The following UST variants were observed in gnomAD, a reference collection of about 807,000 sequenced individuals.
UST encodes the protein chondroitin sulfate 2-O-sulfotransferase.
A neutral mutation model predicts 45.6 loss-of-function variants in UST; 21 were observed. The observed-to-expected ratio is 0.46, with a 90% CI of 0.33 to 0.66. The LOEUF (loss-of-function observed/expected upper bound fraction) is 0.66, where lower values mean the gene tolerates loss of function less well. Ranked by LOEUF, UST falls within the 30% of genes least tolerant of loss-of-function variation. The pLI, the probability that UST is intolerant of heterozygous loss-of-function variation, is 0.02. For synonymous variants in UST, 215 were observed against 200.6 expected (o/e 1.07, Z -0.61); for missense variants, 463 against 512.4 (o/e 0.90, Z 0.93).
chr6:148,815,137 A>G (rs914973149), intron 1 of UST, among the ~76,000 whole-genome samples: 1 of 152,258 alleles, frequency 6.6e-6, no homozygotes, highest in African/African-American at 2.4e-5. Context: ...ACTTACTTGT[A>G]AAAAGCAAGG....
intron 2 of UST, among the ~76,000 whole-genome samples, chr6:148,921,519 ACT>A (rs1048437063): frequency 2.0e-5 from 3 of 151,870 alleles, no homozygotes; most frequent in Non-Finnish European, 2.9e-5. Flanking sequence ...CAAAACAAAA[ACT>A]CTACCTCTCC....
intron 1 of UST, among the ~76,000 whole-genome samples, chr6:148,859,068 C>T (rs936238091): frequency 2.0e-5 from 3 of 152,230 alleles, no homozygotes; most frequent in African/African-American, 7.2e-5. Flanking sequence ...CTTGAGGAAT[C>T]TCCACACTGT....
chr6:148,760,842 G>C (rs2114656790), intron 1 of UST, among the ~76,000 whole-genome samples: 1 of 152,206 alleles, frequency 6.6e-6, no homozygotes, highest in East Asian at 1.9e-4. Context: ...GAGATAAATG[G>C]GCAGAGTACA....
chr6:148,747,622 C>CT lies in UST; in HGVS notation c.193dup (p.Tyr65LeufsTer26). On this transcript the variant is annotated frameshift_variant, in exon 1 of 8. Transcript: ENST00000367463. LOFTEE classifies it high-confidence loss of function. Reference sequence around the variant, plus strand: ...TGGTCTTCTGCCTGGGCTCCCTCCTCTATCAGCTCAGCGGGGGACCCCCTC... The same window carrying CT: ...TGGTCTTCTGCCTGGGCTCCCTCCTCTTATCAGCTCAGCGGGGGACCCCCTC... 6.2e-7 allele frequency: 1 copy of CT among 1,603,340 alleles called. No individual in the cohort carries two copies. The highest frequency in any genetic ancestry group is 8.5e-7 in the Non-Finnish European group (1 of 1,176,184).
chr6:148,912,342 G>T (rs892481221), intron 2 of UST, among the ~76,000 whole-genome samples: 5 of 152,156 alleles, frequency 3.3e-5, no homozygotes, highest in African/African-American at 1.2e-4. Context: ...TCATCTCAAG[G>T]CTGCTTATCA....
At chr6:148,933,544 A>C (rs1779961703) in intron 2 of UST, among the ~76,000 whole-genome samples, 1 of 152,194 alleles carries the variant, frequency 6.6e-6, no homozygotes, top group South Asian at 2.1e-4. Context: ...GCAGGATGTC[A>C]TTTGAGAGTT....
intron 1 of UST, among the ~76,000 whole-genome samples, chr6:148,826,088 T>A (rs1777562579): frequency 6.6e-6 from 1 of 152,172 alleles, no homozygotes; most frequent in South Asian, 2.1e-4. Context: ...AGTGGATAGA[T>A]AAATGAGTTC....
intron 5 of UST, 93 bp from the exon 6 acceptor site, chr6:149,019,046 T>C (rs1775944043): frequency 2.1e-6 from 2 of 970,822 alleles, no homozygotes; most frequent in East Asian, 2.4e-5. Flanking sequence ...CGTGCCTGTG[T>C]AATTCAATCA....
chr6:148,823,301 T>A (rs1777501159), intron 1 of UST, among the ~76,000 whole-genome samples: 1 of 152,240 alleles, frequency 6.6e-6, no homozygotes, highest in Admixed American at 6.5e-5. Flanking sequence ...AGGAAGTTTA[T>A]CACTGACATT....
At chr6:148,896,076 G>A (rs974549096) in intron 2 of UST, among the ~76,000 whole-genome samples, 2 of 152,162 alleles carry the variant, frequency 1.3e-5, no homozygotes, top group Admixed American at 6.5e-5. Flanking sequence ...AGAAGGTATT[G>A]GGAGTACAAT....
intron 7 of UST, among the ~76,000 whole-genome samples, chr6:149,026,797 A>G (rs1455677043): frequency 1.3e-5 from 2 of 152,210 alleles, no homozygotes; most frequent in Non-Finnish European, 2.9e-5. Flanking sequence ...AATACTTTCC[A>G]TGACTAGCAC....
intron 7 of UST, among the ~76,000 whole-genome samples, chr6:149,032,067 C>T (rs1776152275): frequency 6.6e-6 from 1 of 152,226 alleles, no homozygotes; most frequent in Non-Finnish European, 1.5e-5. Flanking sequence ...GAGCCAGGCT[C>T]ACTCACCCTG....
chr6:148,904,710 G>A (rs1261953029), intron 2 of UST, among the ~76,000 whole-genome samples: 1 of 152,072 alleles, frequency 6.6e-6, no homozygotes, highest in African/African-American at 2.4e-5. Context: ...TTTTAGTAGA[G>A]ACTGAGTTTC....
At chr6:149,012,194 C>T (rs1263228513) in intron 5 of UST, among the ~76,000 whole-genome samples, 1 of 152,216 alleles carries the variant, frequency 6.6e-6, no homozygotes, top group Non-Finnish European at 1.5e-5. Context: ...ATCAGTGATT[C>T]ATGCTAGACA....
intron 5 of UST, among the ~76,000 whole-genome samples, chr6:148,991,798 C>T (rs1049758974): frequency 2.6e-5 from 4 of 151,890 alleles, no homozygotes; most frequent in African/African-American, 9.7e-5. Flanking sequence ...CTTTATAATC[C>T]TGTTTATTAT....
chr6:148,941,151 TA>T, intron 2 of UST, 127 bp from the exon 3 acceptor site: 1 of 1,040,958 alleles, frequency 9.6e-7, no homozygotes, highest in Middle Eastern at 2.1e-4. Flanking sequence ...TCCTTTTTAT[TA>T]ATCTGATTAT....
intron 1 of UST, among the ~76,000 whole-genome samples, chr6:148,775,193 G>T (rs981544160): frequency 3.9e-5 from 6 of 152,082 alleles, no homozygotes; most frequent in Non-Finnish European, 7.4e-5. Context: ...AGTATTCTTG[G>T]TCTTGTATTT....
At chr6:148,762,535 C>CT (rs373630504) in intron 1 of UST, among the ~76,000 whole-genome samples, 9,073 of 133,722 alleles carry the variant, frequency 0.068, 323 homozygotes, top group East Asian at 0.12. Flanking sequence ...AGGCTTCTAT[C>CT]TTTTTTTTTT....
In UST at chr6:148,964,425, G is replaced by A. The variant is rs1367510562; in HGVS notation, c.543G>A (p.Gln181=). ...TTTGTGTTAGGTTTGGAGGAGACCA[G>A]CCTGTCTACATCAACATCATTAGAG... ...FLNFSRFGGD[Q]PVYINIIRDP... The change falls in exon 5 of 8, where the codon CAG becomes CAA. Residue 181 remains glutamine, a synonymous_variant. Transcript: ENST00000367463. 2 of 1,614,086 alleles carry A rather than the reference G, an allele frequency of 1.2e-6. No individual in the cohort carries two copies. Among genetic ancestry groups the A allele is most frequent in the Admixed American group, 3.3e-5 (2 of 60,012 alleles).
Sources: gnomAD v4.1 joint callset for allele counts (sites outside exome capture counted in the v4.1 genomes callset) on GRCh38, gnomAD v4.1.1 for gene constraint, MANE v1.5 for transcripts, NCBI Gene and HGNC (gene_info 2026-07-23, HGNC 2026-07-21) for gene names.